The following GNB1 variants were observed in gnomAD, a reference collection of about 807,000 sequenced individuals.
GNB1 encodes guanine nucleotide-binding protein G(I)/G(S)/G(T) subunit beta-1.
GNB1 carries 2 observed loss-of-function variants against 42.9 expected under a neutral mutation model. That is an observed-to-expected ratio of 0.05 (90% CI 0.02 to 0.15). The LOEUF (loss-of-function observed/expected upper bound fraction) is 0.15, where lower values mean the gene tolerates loss of function less well. Among genes scored for constraint, GNB1 ranks in the 10% least tolerant of loss-of-function variants. The probability of loss-of-function intolerance (pLI) is 1.00; values close to 1 mark genes in which losing one functional copy is unlikely to be tolerated. For missense variants in GNB1, 193 were observed against 462.2 expected, an observed-to-expected ratio of 0.42 and a Z score of 5.34; for synonymous variants, 183 against 174.7, an observed-to-expected ratio of 1.05 and a Z score of -0.38.
chr1:1,804,898 G>A lies in GNB1; in HGVS notation c.268-317C>T, dbSNP rs888805891. ...CATTAGGCCGGGTGCGGTCACTCAC[G>A]CCTGTAATCCCAGCACTTTGGGAGG... is the stretch of plus-strand genomic sequence containing the variant. On this transcript the variant is annotated intron_variant, in intron 6 of 11. Coordinates refer to ENST00000378609, the MANE Select transcript of GNB1 (RefSeq NM_002074.5). Among the ~76,000 whole-genome samples, 19 of 152,328 alleles carry A rather than the reference G, an allele frequency of 1.2e-4. No individual in the cohort carries two copies. The South Asian group carries it at 3.9e-3, about 32-fold the overall frequency.
chr1:1,804,752 A>C (rs891719465), intron 6 of GNB1, among the ~76,000 whole-genome samples, 171 bp from the exon 7 acceptor site: 1 of 152,242 alleles, frequency 6.6e-6, no homozygotes, highest in Non-Finnish European at 1.5e-5. Context: ...AAGCATACTT[A>C]ATGAGAAGTC....
At chr1:1,827,584 C>T (rs1181384398) in intron 2 of GNB1, among the ~76,000 whole-genome samples, 2 of 152,146 alleles carry the variant, frequency 1.3e-5, no homozygotes, top group African/African-American at 2.4e-5. Flanking sequence ...ATCCTAGCGA[C>T]TGTGATTTGT....
At chr1:1,889,317 T>C (rs574735681) in intron 1 of GNB1, among the ~76,000 whole-genome samples, 17 of 152,304 alleles carry the variant, frequency 1.1e-4, no homozygotes, top group Admixed American at 4.6e-4. Flanking sequence ...ACTAATGTTA[T>C]CAGATAGATA....
chr1:1,822,043 G>A (rs997893719), intron 3 of GNB1, among the ~76,000 whole-genome samples: 1 of 152,256 alleles, frequency 6.6e-6, no homozygotes, highest in Admixed American at 6.5e-5. Flanking sequence ...GCTGCAGTGA[G>A]CTGTGATCGC....
chr1:1,837,813 T>G (rs1308041819), intron 2 of GNB1, among the ~76,000 whole-genome samples: 1 of 150,328 alleles, frequency 6.7e-6, no homozygotes, highest in Non-Finnish European at 1.5e-5. Flanking sequence ...TCTGCCCACC[T>G]TGGCCTCCCA....
At chr1:1,813,477 CTTACTTAT>C (rs1383919991) in intron 5 of GNB1, among the ~76,000 whole-genome samples, 1 of 151,104 alleles carries the variant, frequency 6.6e-6, no homozygotes, top group Non-Finnish European at 1.5e-5. Context: ...AAAGTATATT[CTTACTTAT>C]TTACTTATTT....
chr1:1,812,433 C>T (rs1646795262), intron 5 of GNB1, among the ~76,000 whole-genome samples: 1 of 151,892 alleles, frequency 6.6e-6, no homozygotes, highest in South Asian at 2.1e-4. Context: ...CACACACCCT[C>T]CCCCCAAAAA....
chr1:1,850,818 A>G (rs992818572), intron 1 of GNB1, among the ~76,000 whole-genome samples: 1 of 152,182 alleles, frequency 6.6e-6, no homozygotes, highest in Non-Finnish European at 1.5e-5. Flanking sequence ...TTATCAGATG[A>G]TATTCAATAA....
intron 1 of GNB1, among the ~76,000 whole-genome samples, chr1:1,853,085 C>T (rs1648079829): frequency 6.6e-6 from 1 of 152,062 alleles, no homozygotes. Context: ...CTCAAGCCTC[C>T]CTTCCATCCC....
intron 1 of GNB1, among the ~76,000 whole-genome samples, chr1:1,868,725 A>G (rs1197482039): frequency 6.6e-6 from 1 of 151,878 alleles, no homozygotes; most frequent in African/African-American, 2.4e-5. Flanking sequence ...GGTTGCAGTG[A>G]GCCGAGATTG....
Position 1,790,033 on chromosome 1 carries a change from A to C in GNB1, c.699+362T>G, listed in dbSNP as rs558608025. On this transcript the variant is annotated intron_variant, in intron 9 of 11. Coordinates refer to ENST00000378609, the MANE Select transcript of GNB1 (RefSeq NM_002074.5). This position sits in a 1 kb window ranked among gnomAD's most constrained non-coding sequence, Gnocchi z 5.4. The stretch of plus-strand genomic sequence containing the variant: ...AGGCCAGGGGCTGGAAACACTGCCT[A>C]GCCATCCGCGTGCTAAAGAGGAGGG... Among the ~76,000 whole-genome samples, 54 of 152,296 alleles carry C rather than the reference A, an allele frequency of 3.5e-4. No individual in the cohort carries two copies. Among genetic ancestry groups the C allele is most frequent in the African/African-American group, 1.3e-3 (53 of 41,576 alleles).
At chr1:1,823,130 T>C (rs1646954302) in intron 3 of GNB1, among the ~76,000 whole-genome samples, 1 of 149,164 alleles carries the variant, frequency 6.7e-6, no homozygotes, top group Non-Finnish European at 1.5e-5. Flanking sequence ...TAGTCCCAGC[T>C]CCTCAGGAGG....
At chr1:1,878,655 T>G (rs145834490) in intron 1 of GNB1, among the ~76,000 whole-genome samples, 2 of 152,214 alleles carry the variant, frequency 1.3e-5, no homozygotes, top group East Asian at 1.9e-4. Context: ...CCAAGGCAAG[T>G]TGGCATCTCT....
At chr1:1,874,360 G>C (rs1178267445) in intron 1 of GNB1, among the ~76,000 whole-genome samples, 2 of 151,992 alleles carry the variant, frequency 1.3e-5, no homozygotes, top group African/African-American at 4.8e-5. Flanking sequence ...TGTAATCCTA[G>C]CACTTTGGGA....
intron 1 of GNB1, among the ~76,000 whole-genome samples, chr1:1,873,144 C>A (rs184749487): frequency 4.6e-5 from 7 of 152,262 alleles, no homozygotes; most frequent in Admixed American, 6.5e-5. Flanking sequence ...AAGCCATCCT[C>A]CCACCTTGGC....
rs1362322979 is a variant in GNB1, at chr1:1,787,183, T to C, written c.*10-130A>G. ...CTGAGGGCACGTGACTTCAGCTTTCTGTAAACGTTTCCCACAACACAATTC... is the reference window on the plus strand; with the variant it reads ...CTGAGGGCACGTGACTTCAGCTTTCCGTAAACGTTTCCCACAACACAATTC... On this transcript the variant is annotated intron_variant, in intron 11 of 11. Coordinates refer to ENST00000378609, the MANE Select transcript of GNB1 (RefSeq NM_002074.5). This position sits in a 1 kb window ranked among gnomAD's most constrained non-coding sequence, Gnocchi z 4.4. The C allele has an allele frequency of 3.3e-6, 2 of 609,018 alleles. No individual in the cohort carries two copies. The highest frequency in any genetic ancestry group is 2.9e-6 in the Non-Finnish European group (1 of 339,690). The allele number at this position is 609,018 out of a possible 1,614,324, so 37.7% of individuals were successfully genotyped here.
At chr1:1,884,163 T>C (rs546163867) in intron 1 of GNB1, among the ~76,000 whole-genome samples, 4 of 148,284 alleles carry the variant, frequency 2.7e-5, no homozygotes, top group African/African-American at 1.0e-4. Flanking sequence ...TGGAGTTTCC[T>C]TCTTGTTGCC....
Position 1,796,250 on chromosome 1 carries a change from A to G in GNB1, c.431-2939T>C, listed in dbSNP as rs186369341. Among the ~76,000 whole-genome samples, 42 of 152,322 alleles carry G rather than the reference A, an allele frequency of 2.8e-4. No individual in the cohort carries two copies. In the East Asian group the frequency reaches 6.0e-3, roughly 22 times the overall value. ...GGCTGGAGAGCAGGATGGGTGGTGCAATGCCCAGGGTGCAAGCATACTCCA... is the reference window on the plus strand; with the variant it reads ...GGCTGGAGAGCAGGATGGGTGGTGCGATGCCCAGGGTGCAAGCATACTCCA... On this transcript the variant is annotated intron_variant, in intron 7 of 11. Coordinates refer to ENST00000378609, the MANE Select transcript of GNB1 (RefSeq NM_002074.5).
At chr1:1,834,867 A>C (rs1647124618) in intron 2 of GNB1, among the ~76,000 whole-genome samples, 1 of 151,820 alleles carries the variant, frequency 6.6e-6, no homozygotes, top group Non-Finnish European at 1.5e-5. Context: ...ACGGGGTTTC[A>C]CCGTGTTAGC....
Sources: gnomAD v4.1 joint callset for allele counts (sites outside exome capture counted in the v4.1 genomes callset) on GRCh38, gnomAD v4.1.1 for gene constraint, Gnocchi (gnomAD v3.1) non-coding constraint, MANE v1.5 for transcripts, NCBI Gene and HGNC (gene_info 2026-07-23, HGNC 2026-07-21) for gene names.